DYNC1I1: variants seen among roughly 807,000 people sequenced by gnomAD.
The protein encoded by DYNC1I1 is dynein cytoplasmic 1 intermediate chain 1, also known as cytoplasmic dynein 1 intermediate chain 1.
DYNC1I1 carries 43 observed loss-of-function variants against 86.6 expected under a neutral mutation model. That is an observed-to-expected ratio of 0.50 (90% CI 0.39 to 0.64). The LOEUF (loss-of-function observed/expected upper bound fraction) is 0.64. Ranked by LOEUF, DYNC1I1 falls within the 30% of genes least tolerant of loss-of-function variation. The pLI is 0.00. For synonymous variants in DYNC1I1, 262 were observed against 283.7 expected (o/e 0.92, Z 0.77); for missense variants, 604 against 788.8 (o/e 0.77, Z 2.81).
At chr7:95,934,227 G>C (rs1791978942) in intron 6 of DYNC1I1, among the ~76,000 whole-genome samples, 1 of 152,092 alleles carries the variant, frequency 6.6e-6, no homozygotes, top group South Asian at 2.1e-4. Context: ...CATTTTCTTA[G>C]GTTAATAGAT....
intron 3 of DYNC1I1, among the ~76,000 whole-genome samples, chr7:95,810,804 T>C (rs1794813600): frequency 6.6e-6 from 1 of 152,114 alleles, no homozygotes; most frequent in South Asian, 2.1e-4. Flanking sequence ...TGCCACTTGG[T>C]AAATATAAGA....
In DYNC1I1 at chr7:95,816,334, T is replaced by C. The variant is rs544672325; in HGVS notation, c.314+2997T>C. ...ACTGCACTCAGCCACCTCTTACTGA[T>C]TTTTAAGAGCAGTTGAGAAAATTTT... On this transcript the variant is annotated intron_variant, in intron 4 of 16. Coordinates refer to ENST00000447467, the MANE Select transcript of DYNC1I1 (RefSeq NM_001135556.2). Among the ~76,000 whole-genome samples the C allele has an allele frequency of 9.2e-4, 140 of 152,330 alleles. 1 individual carries two copies. The highest frequency in any genetic ancestry group is 6.0e-4 in the Non-Finnish European group (41 of 68,026).
Position 95,808,090 on chromosome 7 carries a change from C to CA in DYNC1I1, c.109-2299dup, listed in dbSNP as rs1289397134. Among the ~76,000 whole-genome samples, 5 of 152,226 alleles carry CA rather than the reference C, an allele frequency of 3.3e-5. No individual in the cohort carries two copies. The East Asian group carries it at 9.7e-4, about 29-fold the overall frequency. On this transcript the variant is annotated intron_variant, in intron 2 of 16. Coordinates refer to ENST00000447467, the MANE Select transcript of DYNC1I1 (RefSeq NM_001135556.2). ...TCCAAGCATCTGGTGTTCTATTCTG[C>CA]AAATTTCTTTGGAAACTTCTGATCC...
chr7:95,863,742 T>C (rs1313436972), intron 5 of DYNC1I1, among the ~76,000 whole-genome samples: 2 of 152,184 alleles, frequency 1.3e-5, no homozygotes, highest in Non-Finnish European at 2.9e-5. Flanking sequence ...CCTCTCCTCT[T>C]ATTTCAGGAT....
chr7:95,861,882 A>C (rs1236069549), intron 5 of DYNC1I1, among the ~76,000 whole-genome samples: 8 of 152,184 alleles, frequency 5.3e-5, no homozygotes, highest in Admixed American at 5.2e-4. Flanking sequence ...ACCTGCTTGG[A>C]GCAAGTGGCA....
At chr7:95,940,336 T>C (rs1295791684) in intron 6 of DYNC1I1, among the ~76,000 whole-genome samples, 2 of 152,050 alleles carry the variant, frequency 1.3e-5, no homozygotes, top group South Asian at 2.1e-4. Flanking sequence ...TGAATCTGAA[T>C]GTTGGCCTGC....
At chr7:96,028,773 G>C (rs1013107000) in intron 11 of DYNC1I1, among the ~76,000 whole-genome samples, 2 of 152,164 alleles carry the variant, frequency 1.3e-5, no homozygotes, top group African/African-American at 2.4e-5. Flanking sequence ...TTAAATTCTG[G>C]AATGTGTGGT....
intron 9 of DYNC1I1, among the ~76,000 whole-genome samples, 190 bp downstream of exon 9, chr7:95,987,345 T>C (rs1461073307): frequency 2.6e-5 from 4 of 152,194 alleles, no homozygotes; most frequent in African/African-American, 9.7e-5. Context: ...ACCTACTATG[T>C]GCTAGGTACC....
chr7:95,820,523 A>C (rs1404295230), intron 4 of DYNC1I1, among the ~76,000 whole-genome samples: 1 of 152,246 alleles, frequency 6.6e-6, no homozygotes, highest in East Asian at 1.9e-4. Flanking sequence ...CAGAGAAGAC[A>C]TGTGGAACAA....
chr7:96,102,819 G>A (rs947666667), downstream of DYNC1I1, among the ~76,000 whole-genome samples: 9 of 152,168 alleles, frequency 5.9e-5, no homozygotes, highest in African/African-American at 1.9e-4. Flanking sequence ...CAGGAAGGCC[G>A]TGCCATCTGA....
chr7:96,088,870 A>G (rs1347523812), intron 16 of DYNC1I1, among the ~76,000 whole-genome samples: 3 of 152,164 alleles, frequency 2.0e-5, no homozygotes. Flanking sequence ...AATGTCAGCT[A>G]TCAGAACATC....
At chr7:96,067,444 C>CTTTTTTTTTT (rs1790025445) in intron 14 of DYNC1I1, among the ~76,000 whole-genome samples, 1 of 147,036 alleles carries the variant, frequency 6.8e-6, no homozygotes. Flanking sequence ...TTCTTTCTTT[C>CTTTTTTTTTT]CTTTTTTTTT....
At chr7:95,894,699 TAA>T (rs1328607574) in intron 6 of DYNC1I1, among the ~76,000 whole-genome samples, 1 of 152,190 alleles carries the variant, frequency 6.6e-6, no homozygotes, top group Non-Finnish European at 1.5e-5. Flanking sequence ...CAACTGGAAA[TAA>T]GTTTGTTTAT....
chr7:96,019,672 A>G (rs1015106887), intron 10 of DYNC1I1, among the ~76,000 whole-genome samples: 1 of 152,172 alleles, frequency 6.6e-6, no homozygotes, highest in Non-Finnish European at 1.5e-5. Context: ...GCTCTAATTC[A>G]AGGTGTGAAA....
At chr7:95,846,741 C>G (rs1328156640) in intron 5 of DYNC1I1, among the ~76,000 whole-genome samples, 1 of 151,688 alleles carries the variant, frequency 6.6e-6, no homozygotes, top group East Asian at 1.9e-4. Context: ...CATGTGGTAT[C>G]CCATACCCAA....
At chr7:96,062,443 C>G (rs1460232023) in intron 14 of DYNC1I1, among the ~76,000 whole-genome samples, 2 of 144,914 alleles carry the variant, frequency 1.4e-5, no homozygotes, top group African/African-American at 5.1e-5. Context: ...TTTTTTTTTT[C>G]TCTCTAAACA....
chr7:96,064,210 ATCTCTCTCTCTCTCTC>A (rs10557179), intron 14 of DYNC1I1, among the ~76,000 whole-genome samples: 5 of 140,928 alleles, frequency 3.5e-5, no homozygotes, highest in Non-Finnish European at 7.7e-5. Flanking sequence ...AAATATTCAT[ATCTCTCTCTCTCTCTC>A]TCTCTCTCTC....
intron 14 of DYNC1I1, among the ~76,000 whole-genome samples, chr7:96,053,786 G>A (rs765933112): frequency 2.0e-5 from 3 of 151,658 alleles, no homozygotes; most frequent in South Asian, 2.1e-4. Flanking sequence ...TCTTTATCCC[G>A]TGTCTCACAT....
At chr7:95,977,194 C>A (rs963354062) in intron 6 of DYNC1I1, among the ~76,000 whole-genome samples, 1 of 152,118 alleles carries the variant, frequency 6.6e-6, no homozygotes, top group Non-Finnish European at 1.5e-5. Flanking sequence ...GTTCCTGGGC[C>A]ATCTTCGAAG....
Sources: allele counts gnomAD v4.1 joint callset (sites outside exome capture counted in the v4.1 genomes callset), GRCh38; gene constraint gnomAD v4.1.1; transcripts MANE v1.5; gene names NCBI Gene and HGNC (gene_info 2026-07-23, HGNC 2026-07-21).